Variants in PDHX observed in about 807,000 individuals in gnomAD.
The protein encoded by PDHX is pyruvate dehydrogenase protein X component, mitochondrial.
A neutral mutation model predicts 55.3 loss-of-function variants in PDHX; 33 were observed. The ratio of observed to expected loss-of-function variants is 0.60; its 90% confidence interval spans 0.45 to 0.80. The LOEUF (loss-of-function observed/expected upper bound fraction) is 0.80. Among genes scored for constraint, PDHX ranks in the 30% least tolerant of loss-of-function variants. The probability of loss-of-function intolerance (pLI) is 0.00; values close to 1 mark genes in which losing one functional copy is unlikely to be tolerated. For missense variants in PDHX, 622 were observed against 619.9 expected (o/e 1.00, Z -0.04); for synonymous variants, 226 against 219.4 (o/e 1.03, Z -0.27).
chr11:34,933,438 A>C lies in PDHX; in HGVS notation c.241+1954A>C, dbSNP rs186244953. 3.9e-3 allele frequency among the ~76,000 whole-genome samples: 594 copies of C among 152,318 alleles called. 5 individuals are homozygous for C. The highest frequency in any genetic ancestry group is 0.013 in the African/African-American group (542 of 41,562). On this transcript the variant is annotated intron_variant, in intron 2 of 10. Transcript: ENST00000227868. ...TTGTTATGTTGGTATTGTTATTCTA[A>C]GGCTTTTGTGTGTATTTTATGGGAT... is the stretch of plus-strand genomic sequence containing the variant.
At chr11:34,985,521 C>G (rs1160062143) in intron 9 of PDHX, among the ~76,000 whole-genome samples, 1 of 152,120 alleles carries the variant, frequency 6.6e-6, no homozygotes, top group Non-Finnish European at 1.5e-5. Flanking sequence ...TTTGTAACTC[C>G]AATGTGTAGG....
At chr11:34,960,546 G>GT (rs1855002872) in intron 5 of PDHX, 28 bp downstream of exon 5, 1 of 1,261,484 alleles carries the variant, frequency 7.9e-7, no homozygotes, top group Admixed American at 1.7e-5. Context: ...GTAATAACCA[G>GT]TTCCATTATT....
At chr11:34,949,501 T>C (rs764387546) in intron 3 of PDHX, among the ~76,000 whole-genome samples, 9 of 152,176 alleles carry the variant, frequency 5.9e-5, no homozygotes, top group Non-Finnish European at 1.0e-4. Context: ...CCTCCCAAAG[T>C]GCTAGGATTA....
At chr11:34,968,157 A>T (rs1029375266) in intron 6 of PDHX, among the ~76,000 whole-genome samples, 1 of 151,812 alleles carries the variant, frequency 6.6e-6, no homozygotes, top group Non-Finnish European at 1.5e-5. Flanking sequence ...CTGTAGTCCA[A>T]CTACTCAGGC....
At chr11:34,920,744 AT>A (rs899273014) in intron 1 of PDHX, among the ~76,000 whole-genome samples, 4 of 151,350 alleles carry the variant, frequency 2.6e-5, no homozygotes, top group South Asian at 4.2e-4. Flanking sequence ...TCTAGTTGTC[AT>A]TTTTTTTTCT....
chr11:34,949,026 A>G (rs989532150), intron 3 of PDHX, among the ~76,000 whole-genome samples: 2 of 152,176 alleles, frequency 1.3e-5, no homozygotes, highest in East Asian at 1.9e-4. Flanking sequence ...TCTGGCCCCT[A>G]TGCTCTGAAA....
rs1264043040 is a variant in PDHX at position 34,984,715 on chromosome 11, C to T, written c.1169C>T (p.Ala390Val). ...GCTGCTAAAGGTATCCAGGAAATTG[C>T]TGACTCTGTAAAGGTATGTCTTAAG... ...DAAAKGIQEI[A>V]DSVKALSKKA... is the part of the protein sequence containing the mutation. Residue 390 changes from alanine to valine, a missense_variant, in exon 9 of 11, where the codon GCT becomes GTT. Ala to Val is a moderately conservative substitution (Grantham distance 64). Transcript: ENST00000227868. 2.5e-6 allele frequency: 4 copies of T among 1,613,748 alleles called. No individual in the cohort carries two copies. Among genetic ancestry groups the T allele is most frequent in the Non-Finnish European group, 3.4e-6 (4 of 1,179,802 alleles).
At chr11:34,930,652 A>G (rs371997906) in intron 1 of PDHX, among the ~76,000 whole-genome samples, 2 of 152,154 alleles carry the variant, frequency 1.3e-5, no homozygotes, top group South Asian at 2.1e-4. Context: ...GTAACCCTGG[A>G]CGGTGGATTG....
intron 2 of PDHX, among the ~76,000 whole-genome samples, chr11:34,940,725 A>T (rs72912934): frequency 0.22 from 33,766 of 152,018 alleles, 4,917 homozygotes; most frequent in Non-Finnish European, 0.34. Context: ...TTTTCCTCCC[A>T]TCTCTATCCC....
At chr11:34,978,680 A>G (rs1449509746) in intron 8 of PDHX, among the ~76,000 whole-genome samples, 1 of 152,142 alleles carries the variant, frequency 6.6e-6, no homozygotes, top group Non-Finnish European at 1.5e-5. Flanking sequence ...CAGAGGGACC[A>G]GCAAACACCA....
chr11:34,977,558 A>C (rs1359682146), intron 7 of PDHX, among the ~76,000 whole-genome samples: 2 of 152,158 alleles, frequency 1.3e-5, no homozygotes, highest in East Asian at 3.8e-4. Flanking sequence ...GTTAAGTTAA[A>C]AAGCAGTTAA....
At chr11:34,954,584 C>T (rs563438798) in intron 3 of PDHX, among the ~76,000 whole-genome samples, 12 of 152,334 alleles carry the variant, frequency 7.9e-5, no homozygotes, top group African/African-American at 2.9e-4. Context: ...TGCTGCCAGC[C>T]ACATGCTAAG....
At chr11:34,937,513 T>G (rs1362984031) in intron 2 of PDHX, among the ~76,000 whole-genome samples, 1 of 149,004 alleles carries the variant, frequency 6.7e-6, no homozygotes, top group Non-Finnish European at 1.5e-5. Context: ...CAGATTAAAA[T>G]TTGAATATGG....
At chr11:34,953,291 C>T (rs540418244) in intron 3 of PDHX, among the ~76,000 whole-genome samples, 8 of 152,052 alleles carry the variant, frequency 5.3e-5, no homozygotes, top group Admixed American at 1.3e-4. Flanking sequence ...GATTCAATGC[C>T]ATCCCCATCA....
intron 7 of PDHX, chr11:34,977,778 A>G: frequency 6.5e-6 from 3 of 461,920 alleles, no homozygotes; most frequent in Non-Finnish European, 8.7e-6. Flanking sequence ...CACACACCAC[A>G]GAGAGATCAT....
intron 4 of PDHX, among the ~76,000 whole-genome samples, chr11:34,959,480 C>T (rs1854976187): frequency 6.6e-6 from 1 of 151,904 alleles, no homozygotes; most frequent in Non-Finnish European, 1.5e-5. Flanking sequence ...ATTTGGAACC[C>T]TTGTTGTTGC....
At chr11:34,986,979 C>T (rs1208338560) in intron 9 of PDHX, among the ~76,000 whole-genome samples, 1 of 152,184 alleles carries the variant, frequency 6.6e-6, no homozygotes, top group Non-Finnish European at 1.5e-5. Context: ...ACAATTGGAA[C>T]CTTAACTTCT....
intron 2 of PDHX, among the ~76,000 whole-genome samples, chr11:34,936,791 T>TCTTTTTC (rs1258744885): frequency 3.4e-5 from 4 of 118,444 alleles, no homozygotes; most frequent in East Asian, 2.6e-4. Flanking sequence ...TTCTTTTTTT[T>TCTTTTTC]TTTTTTTTTT....
Position 34,995,961 on chromosome 11 carries a change from T to C in PDHX, c.*789T>C, listed in dbSNP as rs958265771. On this transcript the variant is annotated 3_prime_UTR_variant, in exon 11 of 11. Coordinates refer to ENST00000227868, the MANE Select transcript of PDHX (RefSeq NM_003477.3). ...GAATATATTTAAATAAATTGTGTTATCTCTTGCCAAACATTTTGTTAGTGT... is the reference window on the plus strand; with the variant it reads ...GAATATATTTAAATAAATTGTGTTACCTCTTGCCAAACATTTTGTTAGTGT... 2.0e-5 allele frequency: 3 copies of C among 152,332 alleles called. No individual in the cohort carries two copies. Among genetic ancestry groups the C allele is most frequent in the Non-Finnish European group, 2.9e-5 (2 of 67,996 alleles). The allele number at this position is 152,332 out of a possible 1,614,324, so 9.4% of individuals were successfully genotyped here.
Sources: allele counts gnomAD v4.1 joint callset (sites outside exome capture counted in the v4.1 genomes callset), GRCh38; gene constraint gnomAD v4.1.1; transcripts MANE v1.5; gene names NCBI Gene and HGNC (gene_info 2026-07-23, HGNC 2026-07-21).